EPB41L4B: variants seen among roughly 807,000 people sequenced by gnomAD.
EPB41L4B encodes band 4.1-like protein 4B.
Under a neutral mutation model 112.5 loss-of-function variants are expected in EPB41L4B, and 30 were observed. The ratio of observed to expected loss-of-function variants is 0.27; its 90% CI spans 0.20 to 0.36. The LOEUF is 0.36. Ranked by LOEUF, EPB41L4B falls within the 10% of genes least tolerant of loss-of-function variation. EPB41L4B has a pLI of 1.00. For missense variants in EPB41L4B, 1,024 were observed against 1,133.3 expected (o/e 0.90, Z 1.38); for synonymous variants, 408 against 439.7 (o/e 0.93, Z 0.90).
At chr9:109,218,162 G>A (rs1378553525) in intron 15 of EPB41L4B, among the ~76,000 whole-genome samples, 16 of 105,916 alleles carry the variant, frequency 1.5e-4, no homozygotes, top group Admixed American at 4.2e-4. Flanking sequence ...GTCTCACTCT[G>A]TTGCCCAGGT....
intron 1 of EPB41L4B, among the ~76,000 whole-genome samples, chr9:109,292,994 T>C (rs1836589660): frequency 6.6e-6 from 1 of 152,202 alleles, no homozygotes; most frequent in Non-Finnish European, 1.5e-5. Context: ...GTACCAGATA[T>C]GTGAGTGCAG....
At chr9:109,274,904 G>C (rs937975873) in intron 2 of EPB41L4B, among the ~76,000 whole-genome samples, 2 of 152,200 alleles carry the variant, frequency 1.3e-5, no homozygotes, top group African/African-American at 4.8e-5. Flanking sequence ...GGCTCAGGGC[G>C]AGAACTGGGT....
At chr9:109,223,900 T>A (rs1336905224) in intron 15 of EPB41L4B, among the ~76,000 whole-genome samples, 1 of 152,020 alleles carries the variant, frequency 6.6e-6, no homozygotes, top group Non-Finnish European at 1.5e-5. Flanking sequence ...GCACCTGTAA[T>A]CCCAGCTACT....
chr9:109,281,655 G>C (rs972958545), intron 1 of EPB41L4B, among the ~76,000 whole-genome samples: 1 of 151,956 alleles, frequency 6.6e-6, no homozygotes, highest in Non-Finnish European at 1.5e-5. Flanking sequence ...ACTGCACTCA[G>C]CCTCGGCGGT....
At chr9:109,308,159 A>G (rs1012187351) in intron 1 of EPB41L4B, among the ~76,000 whole-genome samples, 2 of 152,036 alleles carry the variant, frequency 1.3e-5, no homozygotes, top group Non-Finnish European at 2.9e-5. Context: ...GGAGAGACAG[A>G]ATGGGTTCAT....
intron 1 of EPB41L4B, among the ~76,000 whole-genome samples, chr9:109,293,976 C>CTAACTATAAAAGGTTTTTAAGA (rs1324151214): frequency 6.6e-6 from 1 of 152,114 alleles, no homozygotes; most frequent in Non-Finnish European, 1.5e-5. Flanking sequence ...GATAATTGCA[C>CTAACTATAAAAGGTTTTTAAGA]TAAACCCATC....
In EPB41L4B at chr9:109,208,165, T is replaced by A; in HGVS notation, c.1753-116A>T. 4.2e-6 allele frequency: 5 copies of A among 1,187,866 alleles called. No individual in the cohort carries two copies. In the South Asian group the frequency reaches 7.5e-5, roughly 18 times the overall value. The allele number at this position is 1,187,866 out of a possible 1,614,324, so 73.6% of individuals were successfully genotyped here. A position where few individuals can be genotyped will look rare whatever the true frequency, so the allele number is the denominator to read the frequency against. ...ACAGACCTACATACATAGACAGGGG[T>A]GTCACCAACTCCTTATATTTTTATC... On this transcript the variant is annotated intron_variant, in intron 17 of 25. Coordinates refer to ENST00000374566, the MANE Select transcript of EPB41L4B (RefSeq NM_019114.5).
rs922164659 is a variant in EPB41L4B at position 109,216,935 on chromosome 9, G to C, written c.1620C>G (p.Ser540Arg). ...EGPLRSPNSSSKSLTKLSPGT... is the reference protein window; with the variant it reads ...EGPLRSPNSSRKSLTKLSPGT... ...ACCCCTACTCACTTGTAAGGGACTT[G>C]CTGCTGGAGTTTGGGGACCTCAGAG... The change falls in exon 16 of 26, where the codon AGC becomes AGG. Residue 540 changes from serine (S) to arginine (R), a missense_variant. Physicochemically the swap from Ser to Arg is moderately radical, Grantham distance 110. Coordinates refer to ENST00000374566, the MANE Select transcript of EPB41L4B (RefSeq NM_019114.5). The C allele has an allele frequency of 6.2e-7, 1 of 1,614,082 alleles. No individual in the cohort carries two copies. The highest frequency in any genetic ancestry group is 8.5e-7 in the Non-Finnish European group (1 of 1,179,972).
rs150183053 is a variant in EPB41L4B, at chr9:109,172,602, G to T, written c.*1952C>A. On this transcript the variant is annotated 3_prime_UTR_variant, in exon 26 of 26. Transcript: ENST00000374566. Reference sequence around the variant, plus strand: ...TAGCTCTTAATGATATCACTGCACCGTACCAAGGTATAAAAGGGGCTGATG... The same window carrying T: ...TAGCTCTTAATGATATCACTGCACCTTACCAAGGTATAAAAGGGGCTGATG... 1 of 152,040 alleles carries T rather than the reference G, an allele frequency of 6.6e-6. No homozygotes were observed. The highest frequency in any genetic ancestry group is 1.5e-5 in the Non-Finnish European group (1 of 68,020). The allele number at this position is 152,040 out of a possible 1,614,324, so 9.4% of individuals were successfully genotyped here. A position where few individuals can be genotyped will look rare whatever the true frequency, so the allele number is the denominator to read the frequency against.
In EPB41L4B at chr9:109,265,244, C is replaced by T. The variant is rs566850838; in HGVS notation, c.534-220G>A. ...GGAAGGTGAGTGCATGTGGGGAACT[C>T]GCAAGATACTTGTAGGATGGAACGT... On this transcript the variant is annotated intron_variant, in intron 4 of 25. Coordinates refer to ENST00000374566, the MANE Select transcript of EPB41L4B (RefSeq NM_019114.5). 3.3e-5 allele frequency among the ~76,000 whole-genome samples: 5 copies of T among 152,194 alleles called. No individual in the cohort carries two copies. In the South Asian group the frequency reaches 8.3e-4, roughly 25 times the overall value.
rs868745356 is a variant in EPB41L4B, at chr9:109,281,741, A to T, written c.307-1820T>A. On this transcript the variant is annotated intron_variant, in intron 1 of 25. Coordinates refer to ENST00000374566, the MANE Select transcript of EPB41L4B (RefSeq NM_019114.5). ...ATAAATAAATTAATTAATTAATTTT[A>T]AAAAAGATCATAACAAATGTTGGAG... 1.7e-3 allele frequency among the ~76,000 whole-genome samples: 251 copies of T among 151,258 alleles called. 3 individuals are homozygous for T. The highest frequency in any genetic ancestry group is 5.6e-3 in the African/African-American group (232 of 41,164).
At chr9:109,224,409 C>T (rs934551169) in intron 15 of EPB41L4B, among the ~76,000 whole-genome samples, 2 of 152,134 alleles carry the variant, frequency 1.3e-5, no homozygotes, top group Non-Finnish European at 2.9e-5. Context: ...ACTTTGAAAA[C>T]ATGATATACT....
chr9:109,312,517 C>G (rs77546586), intron 1 of EPB41L4B, among the ~76,000 whole-genome samples: 4 of 152,140 alleles, frequency 2.6e-5, no homozygotes, highest in Non-Finnish European at 4.4e-5. Flanking sequence ...CCTCCCACCC[C>G]CCTCGCCCAG....
intron 14 of EPB41L4B, among the ~76,000 whole-genome samples, chr9:109,245,834 G>A (rs369811495): frequency 3.9e-5 from 6 of 152,184 alleles, no homozygotes; most frequent in African/African-American, 1.2e-4. Flanking sequence ...CAAAGGACCC[G>A]TGGTTGCCAA....
chr9:109,245,961 G>A (rs1834539970), intron 14 of EPB41L4B, among the ~76,000 whole-genome samples: 2 of 152,206 alleles, frequency 1.3e-5, no homozygotes, highest in South Asian at 4.1e-4. Context: ...TATGCGGAGA[G>A]GGCACAGGCA....
intron 6 of EPB41L4B, among the ~76,000 whole-genome samples, chr9:109,259,037 C>A (rs1279960659): frequency 6.6e-6 from 1 of 152,116 alleles, no homozygotes; most frequent in Admixed American, 6.5e-5. Flanking sequence ...TCCCCCACCC[C>A]CTGCAGCTCA....
intron 2 of EPB41L4B, among the ~76,000 whole-genome samples, chr9:109,270,593 T>C (rs1835574282): frequency 1.3e-5 from 2 of 152,248 alleles, no homozygotes; most frequent in African/African-American, 4.8e-5. Context: ...CTAATGGCTA[T>C]GACTAAAACT....
chr9:109,289,285 C>A (rs994728700), intron 1 of EPB41L4B, among the ~76,000 whole-genome samples: 1 of 152,212 alleles, frequency 6.6e-6, no homozygotes, highest in Non-Finnish European at 1.5e-5. Flanking sequence ...CCCCACCATA[C>A]ACAGCAGGCC....
intron 1 of EPB41L4B, among the ~76,000 whole-genome samples, chr9:109,304,685 G>A (rs373550868): frequency 1.3e-5 from 2 of 152,274 alleles, no homozygotes; most frequent in South Asian, 2.1e-4. Context: ...CTACTCCATG[G>A]GGGGATGAGG....
Sources: gnomAD v4.1 joint callset for allele counts (sites outside exome capture counted in the v4.1 genomes callset) on GRCh38, gnomAD v4.1.1 for gene constraint, MANE v1.5 for transcripts, NCBI Gene and HGNC (gene_info 2026-07-23, HGNC 2026-07-21) for gene names.